ZDHHC20: variants seen among roughly 807,000 people sequenced by gnomAD.
The protein encoded by ZDHHC20 is palmitoyltransferase ZDHHC20.
In ZDHHC20, 43 loss-of-function variants were observed where a neutral mutation model predicts 57.8. The ratio of observed to expected loss-of-function variants is 0.74; its 90% CI spans 0.58 to 0.96. The LOEUF is 0.96. Ranked by LOEUF, ZDHHC20 falls within the 40% of genes least tolerant of loss-of-function variation. The pLI, the probability that ZDHHC20 is intolerant of heterozygous loss-of-function variation, is 0.00. For missense variants in ZDHHC20, 391 were observed against 441.1 expected (o/e 0.89, Z 1.02); for synonymous variants, 157 against 153.0 (o/e 1.03, Z -0.19).
At chr13:21,394,052 T>C (rs571318236) in intron 7 of ZDHHC20, among the ~76,000 whole-genome samples, 3 of 152,308 alleles carry the variant, frequency 2.0e-5, no homozygotes, top group African/African-American at 7.2e-5. Context: ...CCCTCTCCCA[T>C]CTATTCTCAG....
chr13:21,430,057 C>T (rs1881735830), intron 1 of ZDHHC20, among the ~76,000 whole-genome samples: 1 of 152,180 alleles, frequency 6.6e-6, no homozygotes, highest in African/African-American at 2.4e-5. Context: ...GTAATTCCAA[C>T]ATCTGTGTCT....
At chr13:21,380,151 T>C (rs1037345538) in intron 11 of ZDHHC20, among the ~76,000 whole-genome samples, 4 of 147,966 alleles carry the variant, frequency 2.7e-5, no homozygotes, top group African/African-American at 5.0e-5. Context: ...AGTCTCACTC[T>C]GTCACCCAGG....
At chr13:21,404,026 GTGTGAGTATGCT>G (rs1878098609) in intron 4 of ZDHHC20, among the ~76,000 whole-genome samples, 2 of 152,098 alleles carry the variant, frequency 1.3e-5, no homozygotes, top group Non-Finnish European at 2.9e-5. Context: ...GGACCCTGAG[GTGTGAGTATGCT>G]TGGCTTGTTC....
chr13:21,456,732 T>TA (rs1884960565), intron 1 of ZDHHC20, among the ~76,000 whole-genome samples: 1 of 152,200 alleles, frequency 6.6e-6, no homozygotes, highest in Non-Finnish European at 1.5e-5. Flanking sequence ...CCAAATATTT[T>TA]AAGATTCTGC....
At chr13:21,409,733 C>G (rs1051064280) in intron 4 of ZDHHC20, among the ~76,000 whole-genome samples, 19 of 152,220 alleles carry the variant, frequency 1.2e-4, no homozygotes, top group Non-Finnish European at 2.6e-4. Flanking sequence ...TTTTTCAGCT[C>G]CATCAAGTCA....
chr13:21,403,793 T>C (rs1355003306), intron 4 of ZDHHC20, among the ~76,000 whole-genome samples: 6 of 152,142 alleles, frequency 3.9e-5, no homozygotes, highest in Non-Finnish European at 8.8e-5. Context: ...GTTCAAGCAA[T>C]TCTCCTGCCT....
intron 1 of ZDHHC20, among the ~76,000 whole-genome samples, chr13:21,441,533 C>CA (rs1883161036): frequency 6.7e-6 from 1 of 148,720 alleles, no homozygotes; most frequent in Non-Finnish European, 1.5e-5. Flanking sequence ...CTACAGGCGC[C>CA]CGCCACCACG....
intron 7 of ZDHHC20, among the ~76,000 whole-genome samples, chr13:21,394,424 C>G (rs1054269842): frequency 2.0e-5 from 3 of 152,102 alleles, no homozygotes; most frequent in Non-Finnish European, 4.4e-5. Context: ...AATCTCTTAC[C>G]CTGCTCATTA....
At chr13:21,409,421 G>T (rs1352665539) in intron 4 of ZDHHC20, among the ~76,000 whole-genome samples, 1 of 152,060 alleles carries the variant, frequency 6.6e-6, no homozygotes, top group Admixed American at 6.5e-5. Flanking sequence ...ATTCTCTGAT[G>T]GTAGTTTGTA....
chr13:21,384,861 G>A (rs1874167685), intron 9 of ZDHHC20, among the ~76,000 whole-genome samples: 1 of 152,008 alleles, frequency 6.6e-6, no homozygotes, highest in South Asian at 2.1e-4. Context: ...AGCCCTTCGG[G>A]AGGCCAATCT....
chr13:21,433,268 C>T (rs751328496), intron 1 of ZDHHC20, among the ~76,000 whole-genome samples: 7 of 151,946 alleles, frequency 4.6e-5, no homozygotes, highest in Non-Finnish European at 8.8e-5. Flanking sequence ...AGCTTGCATG[C>T]CATTGTGTCT....
chr13:21,401,605 TTC>T (rs1491430283), intron 6 of ZDHHC20, 46 bp downstream of exon 6: 127 of 1,511,634 alleles, frequency 8.4e-5, no homozygotes, highest in Admixed American at 3.5e-4. Context: ...TTACTCTAAA[TTC>T]TCTCTCTCAC....
intron 1 of ZDHHC20, among the ~76,000 whole-genome samples, chr13:21,445,446 T>A (rs1883592927): frequency 6.6e-6 from 1 of 152,180 alleles, no homozygotes. Context: ...AGACTATATG[T>A]CAGACACACA....
intron 3 of ZDHHC20, among the ~76,000 whole-genome samples, chr13:21,414,219 C>A (rs1879613017): frequency 7.4e-6 from 1 of 134,450 alleles, no homozygotes; most frequent in Non-Finnish European, 1.6e-5. Context: ...CTCATGAAGG[C>A]CAAGGAGTCT....
At chr13:21,411,427 G>C (rs1407339316) in intron 4 of ZDHHC20, among the ~76,000 whole-genome samples, 1 of 152,176 alleles carries the variant, frequency 6.6e-6, no homozygotes, top group Non-Finnish European at 1.5e-5. Context: ...GAGCTATAAA[G>C]GACCTTAGAG....
intron 2 of ZDHHC20, among the ~76,000 whole-genome samples, chr13:21,423,858 T>C (rs959008581): frequency 6.6e-6 from 1 of 151,994 alleles, no homozygotes; most frequent in Non-Finnish European, 1.5e-5. Flanking sequence ...CCTTCATAAA[T>C]AGTTTTGCCT....
intron 2 of ZDHHC20, among the ~76,000 whole-genome samples, chr13:21,425,303 T>C (rs568445254): frequency 6.6e-5 from 10 of 152,234 alleles, no homozygotes; most frequent in South Asian, 2.1e-4. Flanking sequence ...GAAAGCAGAA[T>C]TGTCTCCTCA....
At chr13:21,391,220 G>A (rs1387528438) in intron 8 of ZDHHC20, among the ~76,000 whole-genome samples, 1 of 152,050 alleles carries the variant, frequency 6.6e-6, no homozygotes, top group Non-Finnish European at 1.5e-5. Flanking sequence ...ATCCATCTTG[G>A]CCTCCCAAAG....
chr13:21,441,112 C>A (rs8001135), intron 1 of ZDHHC20, among the ~76,000 whole-genome samples: 90,649 of 151,960 alleles, frequency 0.6, 27,835 homozygotes, highest in Non-Finnish European at 0.68. Flanking sequence ...CTCTGGTATC[C>A]ACTTGTCTAG....
Sources: gnomAD v4.1 joint callset for allele counts (sites outside exome capture counted in the v4.1 genomes callset) on GRCh38, gnomAD v4.1.1 for gene constraint, MANE v1.5 for transcripts, NCBI Gene and HGNC (gene_info 2026-07-23, HGNC 2026-07-21) for gene names.